ACTR3B: variants seen among roughly 807,000 people sequenced by gnomAD.
ACTR3B encodes the protein actin related protein 3B.
In ACTR3B, 8 loss-of-function variants were observed where a neutral mutation model predicts 59.0. The ratio of observed to expected loss-of-function variants is 0.14; its 90% CI spans 0.08 to 0.24. ACTR3B has a LOEUF of 0.24. Among genes scored for constraint, ACTR3B ranks in the 10% least tolerant of loss-of-function variants. The pLI is 1.00. For synonymous variants in ACTR3B, 148 were observed against 197.9 expected (o/e 0.75, Z 2.12); for missense variants, 245 against 552.3 (o/e 0.44, Z 5.58).
chr7:152,781,004 G>A (rs867788738), intron 1 of ACTR3B, among the ~76,000 whole-genome samples: 3 of 151,762 alleles, frequency 2.0e-5, no homozygotes, highest in Non-Finnish European at 4.4e-5. Flanking sequence ...ATACAGATAG[G>A]TAAAGTAACT....
At chr7:152,807,969 T>C (rs2098257684) in intron 4 of ACTR3B, among the ~76,000 whole-genome samples, 1 of 152,198 alleles carries the variant, frequency 6.6e-6, no homozygotes, top group Non-Finnish European at 1.5e-5. Context: ...ATTGCCACCG[T>C]CTGTCTCCAG....
At chr7:152,764,311 A>G (rs534910957) in intron 1 of ACTR3B, among the ~76,000 whole-genome samples, 2 of 152,018 alleles carry the variant, frequency 1.3e-5, no homozygotes, top group South Asian at 2.1e-4. Context: ...CTGGCCTTCC[A>G]TGTTCTTTAG....
chr7:152,791,720 T>C (rs1249258343), intron 2 of ACTR3B, among the ~76,000 whole-genome samples: 1 of 152,242 alleles, frequency 6.6e-6, no homozygotes, highest in African/African-American at 2.4e-5. Flanking sequence ...CTGGTGCTAT[T>C]CCTATATAAT....
At chr7:152,819,213 C>G (rs549521224) in intron 6 of ACTR3B, among the ~76,000 whole-genome samples, 6 of 152,286 alleles carry the variant, frequency 3.9e-5, no homozygotes, top group South Asian at 2.1e-4. Context: ...CTAGAAGTTA[C>G]GTATATCAGA....
Position 152,828,131 on chromosome 7 carries a change from G to C in ACTR3B, c.951+3009G>C, listed in dbSNP as rs575031208. ...GACATGTGAGGAGTTACTTATGGAA[G>C]CCTCGTTCTAATACTGTCCGGGTTG... On this transcript the variant is annotated intron_variant, in intron 9 of 11. Transcript: ENST00000256001. 9.8e-5 allele frequency among the ~76,000 whole-genome samples: 15 copies of C among 152,320 alleles called. No homozygotes were observed. The South Asian group carries it at 3.1e-3, about 32-fold the overall frequency.
At chr7:152,765,677 G>T (rs941514685) in intron 1 of ACTR3B, among the ~76,000 whole-genome samples, 8 of 152,136 alleles carry the variant, frequency 5.3e-5, no homozygotes, top group African/African-American at 1.9e-4. Context: ...ACCTTGAGAT[G>T]TATGAAGGCT....
At position 152,852,008 on chromosome 7, in the gene ACTR3B, T is replaced by C. The variant is rs201786866; in HGVS notation, c.952-118T>C. 33 of 1,379,828 alleles carry C rather than the reference T, an allele frequency of 2.4e-5. 1 individual carries two copies. The East Asian group carries it at 3.7e-4, about 15-fold the overall frequency. The allele number at this position is 1,379,828 out of a possible 1,614,324, so 85.5% of individuals were successfully genotyped here. ...AGTTTGCTTTTGTTCGCATCTTTCATAGGGCCGATGTGTCGTGCCCACAAG... is the reference window on the plus strand; with the variant it reads ...AGTTTGCTTTTGTTCGCATCTTTCACAGGGCCGATGTGTCGTGCCCACAAG... On this transcript the variant is annotated intron_variant, in intron 9 of 11. Coordinates refer to ENST00000256001, the MANE Select transcript of ACTR3B (RefSeq NM_020445.6).
At chr7:152,774,785 T>C (rs901555901) in intron 1 of ACTR3B, among the ~76,000 whole-genome samples, 7 of 152,228 alleles carry the variant, frequency 4.6e-5, no homozygotes, top group African/African-American at 1.2e-4. Context: ...CTATAGAGAC[T>C]ATGCTTTTCT....
intron 1 of ACTR3B, among the ~76,000 whole-genome samples, chr7:152,761,744 A>G (rs1304179657): frequency 2.0e-5 from 3 of 152,194 alleles, no homozygotes; most frequent in African/African-American, 7.2e-5. Context: ...TACCAACTTG[A>G]GCACATCAGT....
At chr7:152,842,113 C>T (rs1404280687) in intron 9 of ACTR3B, among the ~76,000 whole-genome samples, 2 of 152,224 alleles carry the variant, frequency 1.3e-5, no homozygotes, top group Non-Finnish European at 2.9e-5. Context: ...ACAGGAGTCC[C>T]TTCTTATCCA....
intron 9 of ACTR3B, among the ~76,000 whole-genome samples, chr7:152,848,119 G>A (rs936796295): frequency 2.0e-5 from 3 of 152,246 alleles, no homozygotes; most frequent in African/African-American, 7.2e-5. Context: ...AGATGAGGCA[G>A]CAGGTGTGCC....
intron 9 of ACTR3B, among the ~76,000 whole-genome samples, chr7:152,834,254 A>T (rs1171521626): frequency 6.6e-6 from 1 of 151,890 alleles, no homozygotes; most frequent in African/African-American, 2.4e-5. Flanking sequence ...CCTGGGTTCA[A>T]ACAATTCTTC....
In ACTR3B at chr7:152,854,685, C is replaced by A; in HGVS notation, c.*132C>A. The A allele has an allele frequency of 1.1e-6, 1 of 921,250 alleles. No homozygotes were observed. 57.1% of individuals were successfully genotyped at this position (921,250 alleles called of 1,614,324 possible). ...CAGCAGCGTGCTTGCATTGCCGGTGCATGAGGCGCGGCGCGGGCCCTTCAG... is the reference window on the plus strand; with the variant it reads ...CAGCAGCGTGCTTGCATTGCCGGTGAATGAGGCGCGGCGCGGGCCCTTCAG... On this transcript the variant is annotated 3_prime_UTR_variant, in exon 12 of 12. Coordinates refer to ENST00000256001, the MANE Select transcript of ACTR3B (RefSeq NM_020445.6). This position sits in a 1 kb window ranked among gnomAD's most constrained non-coding sequence, Gnocchi z 4.9.
At chr7:152,822,317 C>T (rs867782765) in intron 7 of ACTR3B, among the ~76,000 whole-genome samples, 4 of 152,194 alleles carry the variant, frequency 2.6e-5, no homozygotes, top group Non-Finnish European at 5.9e-5. Context: ...GCCAGCTGGG[C>T]GGCCCACCTC....
At chr7:152,811,497 G>A (rs1402239113) in intron 4 of ACTR3B, 1 of 152,180 alleles carries the variant, frequency 6.6e-6, no homozygotes. Context: ...TGACAGATAC[G>A]TTTGGTCTTA....
chr7:152,817,955 T>A (rs1590353442), intron 6 of ACTR3B, among the ~76,000 whole-genome samples: 1 of 152,302 alleles, frequency 6.6e-6, no homozygotes, highest in East Asian at 1.9e-4. Flanking sequence ...CCCCCATACC[T>A]TGTACTCCTG....
intron 9 of ACTR3B, among the ~76,000 whole-genome samples, chr7:152,846,580 G>GC (rs1244502535): frequency 1.4e-5 from 2 of 140,894 alleles, no homozygotes; most frequent in African/African-American, 5.4e-5. Flanking sequence ...GAGCTCTAGT[G>GC]CCTGGGCTGT....
At chr7:152,782,246 G>A (rs964535126) in intron 1 of ACTR3B, among the ~76,000 whole-genome samples, 1 of 148,124 alleles carries the variant, frequency 6.8e-6, no homozygotes, top group African/African-American at 2.5e-5. Flanking sequence ...TAGCAGTGTT[G>A]AAATAATAAT....
chr7:152,796,263 G>A (rs2310890), intron 2 of ACTR3B, among the ~76,000 whole-genome samples: 1 of 151,916 alleles, frequency 6.6e-6, no homozygotes, highest in Non-Finnish European at 1.5e-5. Flanking sequence ...GAGTGTTGTT[G>A]TGTATATACT....
Sources: gnomAD v4.1 joint callset for allele counts (sites outside exome capture counted in the v4.1 genomes callset) on GRCh38, gnomAD v4.1.1 for gene constraint, Gnocchi (gnomAD v3.1) non-coding constraint, MANE v1.5 for transcripts, NCBI Gene and HGNC (gene_info 2026-07-23, HGNC 2026-07-21) for gene names.